PRKCB: variants seen among roughly 807,000 people sequenced by gnomAD.
The protein encoded by PRKCB is protein kinase C beta.
Under a neutral mutation model 81.5 loss-of-function variants are expected in PRKCB, and 13 were observed. The observed-to-expected ratio is 0.16, with a 90% confidence interval of 0.10 to 0.25. PRKCB has a LOEUF of 0.25. PRKCB is among the 10% of genes least tolerant of loss of function. The pLI is 1.00. For missense variants in PRKCB, 509 were observed against 875.7 expected, an observed-to-expected ratio of 0.58 and a Z score of 5.29; for synonymous variants, 335 against 321.4, an observed-to-expected ratio of 1.04 and a Z score of -0.45.
chr16:24,196,187 A>G (rs1190210125), intron 16 of PRKCB, among the ~76,000 whole-genome samples: 1 of 152,344 alleles, frequency 6.6e-6, no homozygotes, highest in East Asian at 1.9e-4. Flanking sequence ...AGTGCCTAGC[A>G]TAGGGTTTAG....
intron 3 of PRKCB, among the ~76,000 whole-genome samples, chr16:23,996,741 G>A (rs1964962358): frequency 6.6e-6 from 1 of 152,184 alleles, no homozygotes; most frequent in African/African-American, 2.4e-5. Flanking sequence ...TCACACTCAT[G>A]GAATTCACTG....
chr16:24,100,274 G>C (rs1966489393), intron 7 of PRKCB, among the ~76,000 whole-genome samples: 1 of 151,544 alleles, frequency 6.6e-6, no homozygotes, highest in Admixed American at 6.6e-5. Context: ...CCGAGGAGGG[G>C]GTCTGTTCTG....
Position 24,153,997 on chromosome 16 carries a change from T to C in PRKCB, c.1066-687T>C, listed in dbSNP as rs150151569. On this transcript the variant is annotated intron_variant, in intron 9 of 16. Coordinates refer to ENST00000643927, the MANE Select transcript of PRKCB (RefSeq NM_002738.7). ...ATTCTGTCATTCAACAAACATTTAT[T>C]GAACATGTACTATGAGCCAGGAGCT... 1.1e-4 allele frequency among the ~76,000 whole-genome samples: 17 copies of C among 152,350 alleles called. No homozygotes were observed. In the East Asian group the frequency reaches 2.9e-3, roughly 26 times the overall value.
At chr16:24,006,965 T>C (rs74015225) in intron 3 of PRKCB, among the ~76,000 whole-genome samples, 8,718 of 152,222 alleles carry the variant, frequency 0.057, 329 homozygotes, top group African/African-American at 0.11. Flanking sequence ...GAGATAGAGA[T>C]CAGGACCTGG....
At chr16:24,213,277 C>T (rs1968174579) in intron 16 of PRKCB, among the ~76,000 whole-genome samples, 1 of 152,114 alleles carries the variant, frequency 6.6e-6, no homozygotes, top group Non-Finnish European at 1.5e-5. Context: ...TTGTGATCCA[C>T]CCGCCTCCTC....
intron 2 of PRKCB, among the ~76,000 whole-genome samples, chr16:23,958,295 CTTA>C (rs575228832): frequency 6.1e-4 from 89 of 144,996 alleles, no homozygotes; most frequent in South Asian, 9.0e-4. Flanking sequence ...CCTGGCCTAT[CTTA>C]TTATTATTAT....
intron 7 of PRKCB, among the ~76,000 whole-genome samples, chr16:24,108,332 T>C (rs1966606410): frequency 6.8e-6 from 1 of 146,776 alleles, no homozygotes; most frequent in Non-Finnish European, 1.5e-5. Context: ...TTTTTTATTT[T>C]ATTTTTTTTT....
intron 3 of PRKCB, among the ~76,000 whole-genome samples, chr16:23,995,187 G>C (rs1211842051): frequency 6.6e-6 from 1 of 152,148 alleles, no homozygotes; most frequent in South Asian, 2.1e-4. Flanking sequence ...GGCCTACTGG[G>C]CCTACTTGGA....
At chr16:24,102,212 A>G (rs965840894) in intron 7 of PRKCB, among the ~76,000 whole-genome samples, 3 of 152,188 alleles carry the variant, frequency 2.0e-5, no homozygotes, top group African/African-American at 7.2e-5. Flanking sequence ...CAGATTGATT[A>G]CAACACCCCC....
rs575816671 is a variant in PRKCB, at chr16:24,005,989, G to T, written c.288+17399G>T. On this transcript the variant is annotated intron_variant, in intron 3 of 16. Coordinates refer to ENST00000643927, the MANE Select transcript of PRKCB (RefSeq NM_002738.7). ...GGGATGACCATCACCTGGACCAAAAGACCCATTTACATCTCTCAAGGATAA... is the reference window on the plus strand; with the variant it reads ...GGGATGACCATCACCTGGACCAAAATACCCATTTACATCTCTCAAGGATAA... 1.3e-5 allele frequency among the ~76,000 whole-genome samples: 2 copies of T among 152,334 alleles called. 1 individual carries two copies. The highest frequency in any genetic ancestry group is 4.1e-4 in the South Asian group (2 of 4,830).
chr16:24,135,870 C>A (rs895176893), intron 9 of PRKCB, among the ~76,000 whole-genome samples: 2 of 152,154 alleles, frequency 1.3e-5, no homozygotes, highest in African/African-American at 4.8e-5. Context: ...GCCTGCTTTG[C>A]TATCTTCCTG....
At chr16:24,027,082 G>T (rs1033944213) in intron 3 of PRKCB, among the ~76,000 whole-genome samples, 13 of 152,058 alleles carry the variant, frequency 8.5e-5, no homozygotes, top group African/African-American at 3.1e-4. Context: ...CACCTGCCAT[G>T]GTGGTTTGCT....
chr16:23,974,077 AG>A (rs1312614866), intron 2 of PRKCB, among the ~76,000 whole-genome samples: 1 of 152,274 alleles, frequency 6.6e-6, no homozygotes, highest in South Asian at 2.1e-4. Context: ...TGCTCAGGGC[AG>A]GGGGCTGGTT....
In PRKCB at chr16:23,877,536, C is replaced by T. The variant is rs138121511; in HGVS notation, c.205+40130C>T. Among the ~76,000 whole-genome samples, 1,392 of 152,216 alleles carry T rather than the reference C, an allele frequency of 9.1e-3. 14 individuals are homozygous for T. The highest frequency in any genetic ancestry group is 0.05 in the South Asian group (240 of 4,822). On this transcript the variant is annotated intron_variant, in intron 2 of 16. Transcript: ENST00000643927. Reference sequence around the variant, plus strand: ...AAAGCCCATGGGTGTTCCCAAAAGTCGGCCTCAACCTGAAGCCACTTATTC... The same window carrying T: ...AAAGCCCATGGGTGTTCCCAAAAGTTGGCCTCAACCTGAAGCCACTTATTC...
At position 24,165,486 on chromosome 16, in the gene PRKCB, G is replaced by A. The variant is rs980018556; in HGVS notation, c.1240-6784G>A. ...AATGCCATGACTTGCAAAAATAAGC[G>A]CTCGATGAAAGTTCTAAAACTCACT... On this transcript the variant is annotated intron_variant, in intron 10 of 16. Transcript: ENST00000643927. 3.3e-5 allele frequency among the ~76,000 whole-genome samples: 5 copies of A among 152,122 alleles called. No homozygotes were observed. The East Asian group carries it at 5.8e-4, about 18-fold the overall frequency.
intron 10 of PRKCB, among the ~76,000 whole-genome samples, chr16:24,162,232 G>C (rs1012047682): frequency 6.6e-6 from 1 of 152,030 alleles, no homozygotes; most frequent in Non-Finnish European, 1.5e-5. Flanking sequence ...GCCCAAGAAT[G>C]AGCCCCGAGA....
At chr16:23,885,859 G>A (rs1963189922) in intron 2 of PRKCB, among the ~76,000 whole-genome samples, 1 of 152,202 alleles carries the variant, frequency 6.6e-6, no homozygotes, top group Non-Finnish European at 1.5e-5. Context: ...CCATCACCAG[G>A]TTGATCTTGT....
intron 15 of PRKCB, among the ~76,000 whole-genome samples, chr16:24,187,555 G>A (rs1453559137): frequency 1.3e-5 from 2 of 152,200 alleles, no homozygotes; most frequent in African/African-American, 4.8e-5. Flanking sequence ...TGGCATTTGA[G>A]TTTGCATCCC....
At chr16:23,863,375 A>G (rs189127259) in intron 2 of PRKCB, among the ~76,000 whole-genome samples, 4 of 151,230 alleles carry the variant, frequency 2.6e-5, no homozygotes, top group Non-Finnish European at 5.9e-5. Flanking sequence ...TCACCACTTT[A>G]CTTTCTTAAT....
Sources: gnomAD v4.1 joint callset for allele counts (sites outside exome capture counted in the v4.1 genomes callset) on GRCh38, gnomAD v4.1.1 for gene constraint, MANE v1.5 for transcripts, NCBI Gene and HGNC (gene_info 2026-07-23, HGNC 2026-07-21) for gene names.